The following WDPCP variants were observed in gnomAD, a reference collection of about 807,000 sequenced individuals.
The protein encoded by WDPCP is WD repeat containing planar cell polarity effector, also known as WD repeat-containing and planar cell polarity effector protein fritz homolog.
A neutral mutation model predicts 93.1 loss-of-function variants in WDPCP; 71 were observed. The observed-to-expected ratio is 0.76, with a 90% confidence interval of 0.63 to 0.93. The LOEUF is 0.93. Ranked by LOEUF, WDPCP falls within the 40% of genes least tolerant of loss-of-function variation. The probability of loss-of-function intolerance (pLI) is 0.00; values close to 1 mark genes in which losing one functional copy is unlikely to be tolerated. For synonymous variants in WDPCP, 315 were observed against 315.0 expected, an observed-to-expected ratio of 1.00 and a Z score of 0.00; for missense variants, 844 against 887.4, an observed-to-expected ratio of 0.95 and a Z score of 0.62.
intron 3 of WDPCP, chr2:63,599,047 T>C: frequency 1.3e-6 from 1 of 789,080 alleles, no homozygotes; most frequent in Admixed American, 2.8e-5. Flanking sequence ...TATATTGTAT[T>C]TGGTGTTTCC....
chr2:63,662,697 G>A (rs895104613), intron 2 of WDPCP, among the ~76,000 whole-genome samples: 6 of 151,750 alleles, frequency 4.0e-5, no homozygotes, highest in African/African-American at 1.2e-4. Context: ...TTAAGCAAAT[G>A]TCTCCTGGAG....
intron 14 of WDPCP, among the ~76,000 whole-genome samples, chr2:63,252,247 A>G (rs987627351): frequency 3.3e-5 from 5 of 152,122 alleles, no homozygotes; most frequent in African/African-American, 4.8e-5. Flanking sequence ...CCTCCTTGAT[A>G]AAAAACCCTC....
chr2:63,291,018 T>C (rs1684378845), intron 13 of WDPCP, among the ~76,000 whole-genome samples: 1 of 152,196 alleles, frequency 6.6e-6, no homozygotes, highest in Admixed American at 6.5e-5. Context: ...ACTATTTGAT[T>C]TTGTTCCATA....
chr2:63,453,479 C>G (rs1698402324), intron 6 of WDPCP, among the ~76,000 whole-genome samples: 1 of 152,142 alleles, frequency 6.6e-6, no homozygotes, highest in Non-Finnish European at 1.5e-5. Context: ...AATAGGAACA[C>G]TTTTACACTG....
intron 2 of WDPCP, among the ~76,000 whole-genome samples, chr2:63,766,322 C>CCCAAATA (rs1291950115): frequency 2.6e-5 from 4 of 151,772 alleles, no homozygotes; most frequent in African/African-American, 9.7e-5. Context: ...AGTAAATATG[C>CCCAAATA]CCAAATATTA....
At chr2:63,169,967 T>C (rs553868993) in intron 15 of WDPCP, among the ~76,000 whole-genome samples, 120 of 151,318 alleles carry the variant, frequency 7.9e-4, no homozygotes, top group African/African-American at 2.6e-3. Flanking sequence ...TCAGGACTCA[T>C]TGAAGCCTTA....
At chr2:63,834,753 T>G in the WDPCP span, among the ~76,000 whole-genome samples, 1 of 152,204 alleles carries the variant, frequency 6.6e-6, no homozygotes, top group Non-Finnish European at 1.5e-5. Context: ...GATGTCCAGA[T>G]AATGGAACAC....
intron 7 of WDPCP, among the ~76,000 whole-genome samples, chr2:63,438,593 T>A (rs1160192414): frequency 6.6e-6 from 1 of 152,054 alleles, no homozygotes; most frequent in African/African-American, 2.4e-5. Flanking sequence ...TGGAACCTCT[T>A]CTACAGGGAA....
At chr2:63,568,827 C>A (rs970402700) in intron 1 of WDPCP, among the ~76,000 whole-genome samples, 3 of 152,186 alleles carry the variant, frequency 2.0e-5, no homozygotes, top group African/African-American at 7.2e-5. Flanking sequence ...TTGCTTGGAC[C>A]AGTATAAGCA....
At chr2:63,711,774 C>A (rs1222007895) in intron 2 of WDPCP, among the ~76,000 whole-genome samples, 1 of 152,024 alleles carries the variant, frequency 6.6e-6, no homozygotes, top group African/African-American at 2.4e-5. Context: ...AACGAACCGA[C>A]AAACAAACAA....
chr2:63,499,490 A>G (rs1317336629), intron 1 of WDPCP, among the ~76,000 whole-genome samples: 1 of 152,190 alleles, frequency 6.6e-6, no homozygotes, highest in Non-Finnish European at 1.5e-5. Context: ...TTATTGTTGG[A>G]AGATTAACTG....
At chr2:63,175,773 T>C (rs1673757213) in intron 14 of WDPCP, among the ~76,000 whole-genome samples, 1 of 152,238 alleles carries the variant, frequency 6.6e-6, no homozygotes, top group African/African-American at 2.4e-5. Flanking sequence ...TTTCTTCCTT[T>C]TTAAGACTGA....
chr2:63,268,250 T>C (rs1005258156), intron 13 of WDPCP, among the ~76,000 whole-genome samples: 1 of 152,158 alleles, frequency 6.6e-6, no homozygotes. Context: ...ATGATCTCAC[T>C]TGTTATATAT....
At chr2:63,715,948 G>A (rs762280663) in intron 2 of WDPCP, among the ~76,000 whole-genome samples, 7 of 152,188 alleles carry the variant, frequency 4.6e-5, no homozygotes, top group Non-Finnish European at 1.0e-4. Flanking sequence ...GGTCGAGGTT[G>A]GTGATCTTCT....
At chr2:63,655,214 C>T (rs1021117522) in intron 2 of WDPCP, among the ~76,000 whole-genome samples, 1 of 152,150 alleles carries the variant, frequency 6.6e-6, no homozygotes, top group East Asian at 1.9e-4. Flanking sequence ...AAGTGTGACT[C>T]ATAACTCACA....
intron 9 of WDPCP, among the ~76,000 whole-genome samples, chr2:63,406,456 C>T (rs1208669035): frequency 1.3e-5 from 2 of 152,128 alleles, no homozygotes; most frequent in Non-Finnish European, 1.5e-5. Context: ...AAAATCTTCT[C>T]GATCAGGGGC....
At chr2:63,662,645 G>GAC (rs917008499) in intron 2 of WDPCP, among the ~76,000 whole-genome samples, 13 of 122,424 alleles carry the variant, frequency 1.1e-4, no homozygotes, top group Non-Finnish European at 1.6e-4. Flanking sequence ...CTTCCAGAGA[G>GAC]AGAGAGAGAG....
At chr2:63,485,228 C>G (rs1700499765) in intron 4 of WDPCP, among the ~76,000 whole-genome samples, 1 of 151,666 alleles carries the variant, frequency 6.6e-6, no homozygotes, top group African/African-American at 2.4e-5. Flanking sequence ...TGGAGAATCC[C>G]TGGGAAAGTT....
rs568510191 is a variant in WDPCP at position 63,337,220 on chromosome 2, T to A, written c.1749-23909A>T. Among the ~76,000 whole-genome samples the A allele has an allele frequency of 3.9e-5, 6 of 152,326 alleles. No individual in the cohort carries two copies. The South Asian group carries it at 1.2e-3, about 32-fold the overall frequency. On this transcript the variant is annotated intron_variant, in intron 12 of 17. Transcript: ENST00000272321. The stretch of plus-strand genomic sequence containing the variant: ...GAGAGTCACTTTTTAAGATTCCACT[T>A]ATGAGTGAGAACATGCAGTATTTGT...
Sources: gnomAD v4.1 joint callset for allele counts (sites outside exome capture counted in the v4.1 genomes callset) on GRCh38, gnomAD v4.1.1 for gene constraint, MANE v1.5 for transcripts, NCBI Gene and HGNC (gene_info 2026-07-23, HGNC 2026-07-21) for gene names.